The following PWWP3B variants were observed in gnomAD, a reference collection of about 807,000 sequenced individuals.
The protein encoded by PWWP3B is PWWP domain-containing DNA repair factor 3B.
PWWP3B carries 5 observed loss-of-function variants against 15.7 expected under a neutral mutation model. That is an observed-to-expected ratio of 0.32 (90% CI 0.17 to 0.67). The LOEUF (loss-of-function observed/expected upper bound fraction) is 0.67, where lower values mean the gene tolerates loss of function less well. Ranked by LOEUF, PWWP3B falls within the 30% of genes least tolerant of loss-of-function variation. The pLI is 0.74. For synonymous variants in PWWP3B, 203 were observed against 179.8 expected (o/e 1.13, Z -1.03); for missense variants, 519 against 493.1 (o/e 1.05, Z -0.50).
intron 2 of PWWP3B, among the ~76,000 whole-genome samples, chrX:106,196,763 A>G (rs1923398713): frequency 9.0e-6 from 1 of 111,545 alleles, no homozygotes; most frequent in Admixed American, 9.6e-5. Flanking sequence ...TTTATTTGTT[A>G]TTTTCTAGTT....
chrX:106,170,940 A>G (rs1921581960), intron 1 of PWWP3B, 72 bp from the exon 2 acceptor site: 1 of 111,958 alleles, frequency 8.9e-6, no homozygotes, highest in Non-Finnish European at 1.9e-5. Context: ...TTTTGGAATG[A>G]CAGCCTGTTA....
intron 2 of PWWP3B, among the ~76,000 whole-genome samples, chrX:106,186,279 GTT>G (rs1258601160): frequency 9.0e-6 from 1 of 110,866 alleles, no homozygotes; most frequent in East Asian, 2.9e-4. Context: ...TTTCCTCTCT[GTT>G]GACCTTTGGC....
chrX:106,181,336 G>A (rs924204532), intron 2 of PWWP3B, among the ~76,000 whole-genome samples: 3 of 111,582 alleles, frequency 2.7e-5, no homozygotes, highest in African/African-American at 6.5e-5. Context: ...CCCCGCCCAC[G>A]TCGTGCTGAT....
chrX:106,190,524 G>A (rs1196502232), intron 2 of PWWP3B, among the ~76,000 whole-genome samples: 1 of 111,201 alleles, frequency 9.0e-6, no homozygotes, highest in Admixed American at 9.5e-5. Context: ...AGTTTCTTTT[G>A]CTGTACAGAA....
intron 2 of PWWP3B, among the ~76,000 whole-genome samples, chrX:106,181,340 TGCTGATTGGTCCATTTTACACAGC>T (rs1184960602): frequency 8.9e-5 from 10 of 111,735 alleles, no homozygotes; most frequent in Non-Finnish European, 1.9e-4. Context: ...GCCCACGTCG[TGCTGATTGGTCCATTTTACACAGC>T]GCTGATTGGT....
In PWWP3B at chrX:106,206,494, C is replaced by A. The variant is rs1249967739; in HGVS notation, c.1062C>A (p.Ala354=). The change falls in exon 4 of 4, where the codon GCC becomes GCA. Residue 354 remains alanine, a synonymous_variant. Transcript: ENST00000357175. ...AAGAACTTGAGGAAGAAGGTCAAGC[C>A]TCTGACAAGTCATTGCTTCCAAGTC... The part of the protein sequence containing the change: ...DFEELEEEGQ[A]SDKSLLPSRI... The A allele has an allele frequency of 8.3e-7, 1 of 1,208,016 alleles. No individual in the cohort carries two copies. The highest frequency in any genetic ancestry group is 3.0e-5 in the East Asian group (1 of 33,815).
chrX:106,189,152 C>A (rs917594578), intron 2 of PWWP3B, among the ~76,000 whole-genome samples: 10 of 112,107 alleles, frequency 8.9e-5, no homozygotes, highest in Non-Finnish European at 1.5e-4. Flanking sequence ...CACATCATTG[C>A]TAGAAGTCGA....
chrX:106,202,722 G>A (rs1367023836), intron 2 of PWWP3B, among the ~76,000 whole-genome samples: 3 of 111,835 alleles, frequency 2.7e-5, no homozygotes, highest in Non-Finnish European at 3.8e-5. Flanking sequence ...ATATGGCATG[G>A]TACATCTGTA....
intron 2 of PWWP3B, among the ~76,000 whole-genome samples, chrX:106,171,680 T>A (rs1231333043): frequency 9.6e-6 from 1 of 104,006 alleles, no homozygotes; most frequent in Non-Finnish European, 2.1e-5. Flanking sequence ...ACACTTAGGC[T>A]ATATGGTATA....
At chrX:106,192,629 A>T (rs1198799336) in intron 2 of PWWP3B, among the ~76,000 whole-genome samples, 3 of 109,270 alleles carry the variant, frequency 2.7e-5, no homozygotes, top group African/African-American at 1.0e-4. Context: ...TTTAATTGTG[A>T]TGTTAGGTTG....
chrX:106,204,614 T>A (rs1923885979), intron 3 of PWWP3B, among the ~76,000 whole-genome samples: 1 of 112,251 alleles, frequency 8.9e-6, no homozygotes, highest in Non-Finnish European at 1.9e-5. Context: ...CAGACCCTAT[T>A]GTCTTTGTCT....
intron 2 of PWWP3B, among the ~76,000 whole-genome samples, chrX:106,181,259 C>T (rs572696194): frequency 3.6e-5 from 4 of 111,631 alleles, no homozygotes; most frequent in South Asian, 3.8e-4. Flanking sequence ...GCTTCCACAG[C>T]GTGGAAGGGG....
At position 106,189,228 on chromosome X, in the gene PWWP3B, T is replaced by A. The variant is rs190565171; in HGVS notation, c.-400-14757T>A. On this transcript the variant is annotated intron_variant, in intron 2 of 3. Transcript: ENST00000357175. ...CTTTTTTTAACTTTGAACCTTTTTT[T>A]AAAATTTTATTATTATTATACTTTT... Among the ~76,000 whole-genome samples the A allele has an allele frequency of 6.4e-3, 715 of 112,179 alleles. 3 individuals are homozygous for A. Among genetic ancestry groups the A allele is most frequent in the Non-Finnish European group, 0.01 (545 of 53,233 alleles).
intron 1 of PWWP3B, among the ~76,000 whole-genome samples, chrX:106,170,172 A>G (rs904332752): frequency 8.9e-6 from 1 of 112,069 alleles, no homozygotes; most frequent in African/African-American, 3.2e-5. Context: ...AAAAGATGAT[A>G]TGGAAAATAA....
chrX:106,190,187 A>G (rs963932542), intron 2 of PWWP3B, among the ~76,000 whole-genome samples: 1 of 111,424 alleles, frequency 9.0e-6, no homozygotes, highest in Admixed American at 9.5e-5. Flanking sequence ...CTATTTCTCC[A>G]CATCCTCTCC....
intron 2 of PWWP3B, among the ~76,000 whole-genome samples, chrX:106,180,064 G>A (rs957867774): frequency 2.7e-5 from 3 of 111,461 alleles, no homozygotes; most frequent in Admixed American, 9.5e-5. Flanking sequence ...TTGTTGTCTG[G>A]ATTAGTCCAG....
intron 2 of PWWP3B, among the ~76,000 whole-genome samples, chrX:106,199,188 A>G (rs1923552645): frequency 9.1e-6 from 1 of 109,492 alleles, no homozygotes; most frequent in Non-Finnish European, 1.9e-5. Context: ...AGCTGGGACT[A>G]CAGGCACCCG....
At chrX:106,202,229 G>C (rs1602869225) in intron 2 of PWWP3B, among the ~76,000 whole-genome samples, 1 of 111,966 alleles carries the variant, frequency 8.9e-6, no homozygotes, top group African/African-American at 3.2e-5. Context: ...ATGTAGTTGA[G>C]TGAAGATACT....
chrX:106,189,536 A>T, intron 2 of PWWP3B, among the ~76,000 whole-genome samples: 1 of 109,489 alleles, frequency 9.1e-6, no homozygotes, highest in Non-Finnish European at 1.9e-5. Context: ...AGTTTCATCC[A>T]TGTCCCTACA....
Sources: allele counts gnomAD v4.1 joint callset (sites outside exome capture counted in the v4.1 genomes callset), GRCh38; gene constraint gnomAD v4.1.1; transcripts MANE v1.5; gene names NCBI Gene and HGNC (gene_info 2026-07-23, HGNC 2026-07-21).